The following BAZ2B variants were observed in gnomAD, a reference collection of about 807,000 sequenced individuals.
The protein encoded by BAZ2B is bromodomain adjacent to zinc finger domain 2B.
Under a neutral mutation model 246.0 loss-of-function variants are expected in BAZ2B, and 91 were observed. The ratio of observed to expected loss-of-function variants is 0.37; its 90% CI spans 0.31 to 0.44. The LOEUF (loss-of-function observed/expected upper bound fraction) is 0.44, where lower values mean the gene tolerates loss of function less well. Ranked by LOEUF, BAZ2B falls within the 20% of genes least tolerant of loss-of-function variation. The probability of loss-of-function intolerance (pLI) is 1.00; values close to 1 mark genes in which losing one functional copy is unlikely to be tolerated. For missense variants in BAZ2B, 2,332 were observed against 2,533.7 expected (o/e 0.92, Z 1.71); for synonymous variants, 855 against 860.0 (o/e 0.99, Z 0.10).
intron 6 of BAZ2B, among the ~76,000 whole-genome samples, chr2:159,442,519 C>T (rs910538981): frequency 1.3e-5 from 2 of 152,130 alleles, no homozygotes; most frequent in African/African-American, 4.8e-5. Context: ...GTAAAATACA[C>T]ATAACATAAA....
At chr2:159,626,942 G>C in the BAZ2B span, among the ~76,000 whole-genome samples, 1 of 152,116 alleles carries the variant, frequency 6.6e-6, no homozygotes, top group African/African-American at 2.4e-5. Flanking sequence ...AAGAAGAAAA[G>C]AGAGAAGAAT....
chr2:159,520,706 A>G (rs2084036721), intron 2 of BAZ2B, among the ~76,000 whole-genome samples: 1 of 152,186 alleles, frequency 6.6e-6, no homozygotes, highest in Non-Finnish European at 1.5e-5. Flanking sequence ...ATGGTATACA[A>G]TCAACCCATA....
intron 1 of BAZ2B, among the ~76,000 whole-genome samples, chr2:159,568,064 GT>G (rs1182001674): frequency 6.6e-6 from 1 of 152,146 alleles, no homozygotes; most frequent in Non-Finnish European, 1.5e-5. Context: ...CAATTCAGTG[GT>G]TTCAGTACAT....
rs114688579 is a variant in BAZ2B at position 159,353,208 on chromosome 2, A to G, written c.4214-2851T>C. Reference sequence around the variant, plus strand: ...ATAGCCCTCATATCCTTCTCTTCAAATTAGTTTCTAGTTGAAATTAAATCC... The same window carrying G: ...ATAGCCCTCATATCCTTCTCTTCAAGTTAGTTTCTAGTTGAAATTAAATCC... On this transcript the variant is annotated intron_variant, in intron 27 of 36. Transcript: ENST00000392783. Among the ~76,000 whole-genome samples, 702 of 152,310 alleles carry G rather than the reference A, an allele frequency of 4.6e-3. 4 individuals carry two copies. Among genetic ancestry groups the G allele is most frequent in the Middle Eastern group, 0.01 (3 of 294 alleles).
intron 25 of BAZ2B, among the ~76,000 whole-genome samples, chr2:159,378,304 T>C (rs1403020504): frequency 6.6e-6 from 1 of 152,254 alleles, no homozygotes; most frequent in African/African-American, 2.4e-5. Flanking sequence ...TTCAAAAGTA[T>C]AATATTATGA....
intron 2 of BAZ2B, among the ~76,000 whole-genome samples, chr2:159,532,900 G>C (rs372819831): frequency 6.6e-6 from 1 of 152,200 alleles, no homozygotes; most frequent in Non-Finnish European, 1.5e-5. Context: ...AATATACATG[G>C]AGAGACAGAA....
At chr2:159,547,672 T>C (rs1173320100) in intron 2 of BAZ2B, among the ~76,000 whole-genome samples, 1 of 152,222 alleles carries the variant, frequency 6.6e-6, no homozygotes, top group African/African-American at 2.4e-5. Context: ...CTAGTCTATA[T>C]GCTAGACACT....
At chr2:159,693,989 G>A in the BAZ2B span, 4 of 152,160 alleles carry the variant, frequency 2.6e-5, no homozygotes, top group African/African-American at 9.7e-5. Flanking sequence ...GTTTTCAAGT[G>A]TTGTGTCTCC....
intron 2 of BAZ2B, among the ~76,000 whole-genome samples, chr2:159,545,361 T>C (rs151313498): frequency 6.6e-6 from 1 of 152,206 alleles, no homozygotes; most frequent in Non-Finnish European, 1.5e-5. Context: ...CTGTCGCCAC[T>C]CTACAGATCT....
At chr2:159,421,369 C>A (rs1163841734) in intron 13 of BAZ2B, among the ~76,000 whole-genome samples, 1 of 151,946 alleles carries the variant, frequency 6.6e-6, no homozygotes, top group Non-Finnish European at 1.5e-5. Flanking sequence ...GAGATGGAGT[C>A]TTGATACATT....
At position 159,571,797 on chromosome 2, in the gene BAZ2B, G is replaced by A. The variant is rs937856831; in HGVS notation, c.-45-15932C>T. On this transcript the variant is annotated intron_variant, in intron 1 of 36. Transcript: ENST00000392783. ...CATCATAACAGGATGGAAGGGCAAG[G>A]GAGTGCCCGAGATAAAGAGAGGATA... 2.6e-5 allele frequency among the ~76,000 whole-genome samples: 4 copies of A among 152,126 alleles called. No homozygotes were observed. In the South Asian group the frequency reaches 8.3e-4, roughly 31 times the overall value.
chr2:159,450,377 A>T (rs2074892899), intron 4 of BAZ2B, among the ~76,000 whole-genome samples: 1 of 109,284 alleles, frequency 9.2e-6, no homozygotes, highest in Non-Finnish European at 2.3e-5. Flanking sequence ...ACTCTCTCAA[A>T]GAAAAAAAAA....
rs146523792 is a variant in BAZ2B, at chr2:159,394,668, G to A, written c.3075+1101C>T. Among the ~76,000 whole-genome samples the A allele has an allele frequency of 7.2e-5, 11 of 152,258 alleles. No individual in the cohort carries two copies. The East Asian group carries it at 1.5e-3, about 21-fold the overall frequency. On this transcript the variant is annotated intron_variant, in intron 20 of 36. Transcript: ENST00000392783. ...CTTGCTAGGCCCATTCTACACATAC[G>A]TAGTATCAATGGTTAAGTACTATGT... is the stretch of plus-strand genomic sequence containing the variant.
rs772891602 is a variant in BAZ2B, at chr2:159,453,664, G to A, written c.283C>T (p.Leu95Phe). 2 of 1,613,426 alleles carry A rather than the reference G, an allele frequency of 1.2e-6. No individual in the cohort carries two copies. The highest frequency in any genetic ancestry group is 1.1e-5 in the South Asian group (1 of 90,882). Residue 95 changes from leucine (L) to phenylalanine (F), a missense_variant, in exon 4 of 37, where the codon CTT (leucine) becomes TTT (phenylalanine). Physicochemically the swap from Leu to Phe is conservative, Grantham distance 22 (BLOSUM62 0). Transcript: ENST00000392783. ...GCGGCTAAGGCTGTGGGTGTACCAA[G>A]TGTCCCCAAACCACCAAATTCTGAA... ...GHSEFGGLGT[L>F]GTPTALAAHP...
In BAZ2B at chr2:159,378,213, T is replaced by G. The variant is rs191481312; in HGVS notation, c.4006-3460A>C. On this transcript the variant is annotated intron_variant, in intron 25 of 36. Coordinates refer to ENST00000392783, the MANE Select transcript of BAZ2B (RefSeq NM_013450.4). ...GATTGCTTATAAATGTTATCTTTTG[T>G]TTGGGTAATTACACTTCTGATACTC... Among the ~76,000 whole-genome samples, 23 of 152,320 alleles carry G rather than the reference T, an allele frequency of 1.5e-4. No individual in the cohort carries two copies. The East Asian group carries it at 3.9e-3, about 26-fold the overall frequency.
intron 1 of BAZ2B, among the ~76,000 whole-genome samples, chr2:159,567,234 G>GA (rs1006136676): frequency 8.6e-5 from 13 of 151,686 alleles, no homozygotes; most frequent in African/African-American, 3.1e-4. Context: ...CAGGCTCAAA[G>GA]AAAAAAAGAA....
In BAZ2B at chr2:159,433,168, C is replaced by G; in HGVS notation, c.1489G>C (p.Val497Leu). The change falls in exon 9 of 37, where the codon GTT becomes CTT. Residue 497 changes from valine (V) to leucine (L), a missense_variant. By Grantham distance (32) the Val-to-Leu change is conservative (BLOSUM62 1). This residue lies in a region of BAZ2B where 651 missense variants were observed against 650.9 expected (regional missense o/e 1.00). Transcript: ENST00000392783. ...ALLGNHQPNG[V>L]IQSVIQEAPL... ...GCTTCTTGAATGACACTTTGAATAACTCCATTTGGTTGGTGATTACCTAAA... is the reference window on the plus strand; with the variant it reads ...GCTTCTTGAATGACACTTTGAATAAGTCCATTTGGTTGGTGATTACCTAAA... The G allele has an allele frequency of 1.2e-6, 2 of 1,614,184 alleles. No individual in the cohort carries two copies. Among genetic ancestry groups the G allele is most frequent in the Non-Finnish European group, 1.7e-6 (2 of 1,180,026 alleles).
chr2:159,361,421 G>C (rs1448698822), intron 27 of BAZ2B, among the ~76,000 whole-genome samples: 2 of 152,190 alleles, frequency 1.3e-5, no homozygotes, highest in Admixed American at 1.3e-4. Context: ...ATGCCAGTTA[G>C]AATGGCAATC....
chr2:159,462,945 T>G, intron 3 of BAZ2B: 3 of 1,219,808 alleles, frequency 2.5e-6, no homozygotes, highest in Non-Finnish European at 3.6e-6. Flanking sequence ...GTCACTTGCT[T>G]TTTTCTATAA....
Sources: gnomAD v4.1 joint callset for allele counts (sites outside exome capture counted in the v4.1 genomes callset) on GRCh38, gnomAD v4.1.1 for gene constraint, gnomAD v4.1.1 regional missense constraint, MANE v1.5 for transcripts, NCBI Gene and HGNC (gene_info 2026-07-23, HGNC 2026-07-21) for gene names.